CRYBG2: variants seen among roughly 807,000 people sequenced by gnomAD.
CRYBG2 encodes crystallin beta-gamma domain containing 2.
CRYBG2 carries 106 observed loss-of-function variants against 153.4 expected under a neutral mutation model. The observed-to-expected ratio is 0.69, with a 90% CI of 0.59 to 0.81. The LOEUF (loss-of-function observed/expected upper bound fraction) is 0.81, where lower values mean the gene tolerates loss of function less well. Ranked by LOEUF, CRYBG2 falls within the 30% of genes least tolerant of loss-of-function variation. The probability of loss-of-function intolerance (pLI) is 0.00; values close to 1 mark genes in which losing one functional copy is unlikely to be tolerated. For missense variants in CRYBG2, 1,996 were observed against 2,112.0 expected (o/e 0.95, Z 1.08); for synonymous variants, 851 against 877.8 (o/e 0.97, Z 0.54).
intron 1 of CRYBG2, among the ~76,000 whole-genome samples, chr1:26,353,409 G>A (rs1380983613): frequency 2.6e-5 from 4 of 151,960 alleles, no homozygotes; most frequent in South Asian, 2.1e-4. Context: ...CCACCTCTGC[G>A]CCCCCCAGGC....
rs781197697 is a variant in CRYBG2, at chr1:26,346,067, A to G, written c.591T>C (p.Thr197=). Residue 197 remains threonine (T), a synonymous_variant, in exon 2 of 20, where the codon ACT becomes ACC. Transcript: ENST00000308182. The surrounding 1 kb of genome is among the most constrained non-coding windows in gnomAD (Gnocchi z 4.9). ...HVDRRMSSSV[T]VRPVSSGEAL... ...CCTCGCCTGAGGACACTGGCCTCAC[A>G]GTCACAGAGCTGCTCATCCGCCGGT... is the stretch of plus-strand genomic sequence containing the variant. 13 of 1,587,042 alleles carry G rather than the reference A, an allele frequency of 8.2e-6. No homozygotes were observed. The highest frequency in any genetic ancestry group is 6.8e-6 in the Non-Finnish European group (8 of 1,172,852).
intron 14 of CRYBG2, among the ~76,000 whole-genome samples, chr1:26,333,014 CAAAAAAAAAAAAAAAAAA>C (rs59155910): frequency 2.4e-4 from 17 of 71,912 alleles, no homozygotes; most frequent in African/African-American, 7.5e-4. Flanking sequence ...CACCAAACCC[CAAAAAAAAAAAAAAAAAA>C]AAAAAAAAAA....
chr1:26,342,770 A>T lies in CRYBG2; in HGVS notation c.3188T>A (p.Leu1063Gln). Residue 1063 changes from leucine (L) to glutamine (Q), a missense_variant, in exon 5 of 20, where the codon CTA becomes CAA. Coordinates refer to ENST00000308182, the MANE Select transcript of CRYBG2 (RefSeq NM_001039775.4). ...TKWSPQGIGS[L>Q]RRVVWDYSTP... ...CTCACTCACCCAGACAACCCTCCTTAGGGAGCCGATGCCTTGGGGACTCCA... is the reference window on the plus strand; with the variant it reads ...CTCACTCACCCAGACAACCCTCCTTTGGGAGCCGATGCCTTGGGGACTCCA... The T allele has an allele frequency of 6.2e-7, 1 of 1,613,774 alleles. No individual in the cohort carries two copies. Among genetic ancestry groups the T allele is most frequent in the Non-Finnish European group, 8.5e-7 (1 of 1,179,980 alleles).
chr1:26,343,217 C>T lies in CRYBG2; in HGVS notation c.2961+29G>A, dbSNP rs1462870258. On this transcript the variant is annotated intron_variant, in intron 3 of 19. Coordinates refer to ENST00000308182, the MANE Select transcript of CRYBG2 (RefSeq NM_001039775.4). This position sits in a 1 kb window ranked among gnomAD's most constrained non-coding sequence, Gnocchi z 4.1. ...GACCCCAGGCCCCTGCATCCTGCTG[C>T]CCCCACCCACTTGCCCCCACAACCC... The T allele has an allele frequency of 1.3e-6, 2 of 1,550,326 alleles. No homozygotes were observed. The highest frequency in any genetic ancestry group is 1.4e-5 in the African/African-American group (1 of 73,102).
rs1447809236 is a variant in CRYBG2 at position 26,338,463 on chromosome 1, G to A, written c.3359C>T (p.Pro1120Leu). Residue 1120 changes from proline (P) to leucine (L), a missense_variant, in exon 7 of 20, where the codon CCC becomes CTC. Transcript: ENST00000308182. ...GGGAGTGTCTTCGAATAATGGTTTG[G>A]GGTACAGTAGCCACCTAGGGGAAAC... ...TVSAGLWLLY[P>L]KPLFEDTPYI... 11 of 1,609,452 alleles carry A rather than the reference G, an allele frequency of 6.8e-6. No individual in the cohort carries two copies. The highest frequency in any genetic ancestry group is 9.3e-6 in the Non-Finnish European group (11 of 1,177,968).
rs2074155072 is a variant in CRYBG2, at chr1:26,343,214, C to T, written c.2961+32G>A. ...CCTGACCCCAGGCCCCTGCATCCTG[C>T]TGCCCCCACCCACTTGCCCCCACAA... On this transcript the variant is annotated intron_variant, in intron 3 of 19. Transcript: ENST00000308182. This position sits in a 1 kb window ranked among gnomAD's most constrained non-coding sequence, Gnocchi z 4.1. 1 of 1,550,628 alleles carries T rather than the reference C, an allele frequency of 6.4e-7. No homozygotes were observed. Among genetic ancestry groups the T allele is most frequent in the East Asian group, 2.4e-5 (1 of 40,924 alleles).
At chr1:26,348,706 C>T (rs2074253527) in intron 1 of CRYBG2, among the ~76,000 whole-genome samples, 1 of 151,930 alleles carries the variant, frequency 6.6e-6, no homozygotes. Flanking sequence ...CAGGCATGTG[C>T]CACCATGCCC....
In CRYBG2 at chr1:26,336,772, C is replaced by A. The variant is rs1450142687; in HGVS notation, c.3912-40G>T. 4 of 1,568,934 alleles carry A rather than the reference C, an allele frequency of 2.5e-6. No homozygotes were observed. The highest frequency in any genetic ancestry group is 2.7e-5 in the African/African-American group (2 of 73,652). ...GGGCGCGAGTCAGCTGGGACGGAGC[C>A]TGCACCTCTCCTGGAACCGCCCCCG... is the stretch of plus-strand genomic sequence containing the variant. On this transcript the variant is annotated intron_variant, in intron 11 of 19. Coordinates refer to ENST00000308182, the MANE Select transcript of CRYBG2 (RefSeq NM_001039775.4). The surrounding 1 kb of genome is among the most constrained non-coding windows in gnomAD (Gnocchi z 4.9).
chr1:26,343,748 C>G lies in CRYBG2; in HGVS notation c.2910G>C (p.Gly970=). Residue 970 remains glycine, a synonymous_variant, in exon 2 of 20, where the codon GGG becomes GGC. Coordinates refer to ENST00000308182, the MANE Select transcript of CRYBG2 (RefSeq NM_001039775.4). The surrounding 1 kb of genome is among the most constrained non-coding windows in gnomAD (Gnocchi z 4.1). ...EKLACSLPLE[G]WSPALKTQGK... ...GCCCACCCGAGGCCTCACTTACCCA[C>G]CCCTCCAGGGGCAGGGAACAGGCAA... The G allele has an allele frequency of 6.9e-7, 1 of 1,445,874 alleles. No homozygotes were observed. The highest frequency in any genetic ancestry group is 9.1e-7 in the Non-Finnish European group (1 of 1,096,964). The allele number at this position is 1,445,874 out of a possible 1,614,324, so 89.6% of individuals were successfully genotyped here.
Position 26,344,472 on chromosome 1 carries a change from C to T in CRYBG2, c.2186G>A (p.Gly729Glu), listed in dbSNP as rs1192312655. The T allele has an allele frequency of 6.5e-6, 10 of 1,539,022 alleles. No individual in the cohort carries two copies. Among genetic ancestry groups the T allele is most frequent in the South Asian group, 3.6e-5 (3 of 82,308 alleles). The change falls in exon 2 of 20, where the codon GGA (glycine) becomes GAA (glutamate). Residue 729 changes from glycine (G) to glutamate (E), a missense_variant. Gly to Glu is a moderately conservative substitution (Grantham distance 98, BLOSUM62 -2). Transcript: ENST00000308182. ...CTGGGACTCCGTGCTGGCCTCTGCTCCTGTTGGCACTGGGGCAGGGGTGCC... is the reference window on the plus strand; with the variant it reads ...CTGGGACTCCGTGCTGGCCTCTGCTTCTGTTGGCACTGGGGCAGGGGTGCC... ...PGGTPAPVPTGAEASTESQLV... is the reference protein window; with the variant it reads ...PGGTPAPVPTEAEASTESQLV...
In CRYBG2 at chr1:26,336,579, G is replaced by A; in HGVS notation, c.4038+27C>T. ...AACTCCAGGTCCCGCCACCGGGGAGGCCCCGCCCCCCGCGGCCGGCACGCA... is the reference window on the plus strand; with the variant it reads ...AACTCCAGGTCCCGCCACCGGGGAGACCCCGCCCCCCGCGGCCGGCACGCA... On this transcript the variant is annotated intron_variant, in intron 12 of 19. Transcript: ENST00000308182. The surrounding 1 kb of genome is among the most constrained non-coding windows in gnomAD (Gnocchi z 4.9). The A allele has an allele frequency of 1.9e-6, 3 of 1,544,034 alleles. No individual in the cohort carries two copies. The highest frequency in any genetic ancestry group is 2.6e-6 in the Non-Finnish European group (3 of 1,144,036).
At chr1:26,327,199 T>C (rs1009885096) in intron 17 of CRYBG2, among the ~76,000 whole-genome samples, 1 of 152,174 alleles carries the variant, frequency 6.6e-6, no homozygotes, top group Non-Finnish European at 1.5e-5. Context: ...CTAGGCGCAG[T>C]GGCTCATGCC....
In CRYBG2 at chr1:26,337,993, C is replaced by T. The variant is rs763886338; in HGVS notation, c.3507+19G>A. On this transcript the variant is annotated intron_variant, in intron 8 of 19. Transcript: ENST00000308182. ...CCGCCACCAAAGGCCCTCTTTGGCTCTTAAGCCCAGACTCTTACCCTGGGC... is the reference window on the plus strand; with the variant it reads ...CCGCCACCAAAGGCCCTCTTTGGCTTTTAAGCCCAGACTCTTACCCTGGGC... 30 of 1,611,654 alleles carry T rather than the reference C, an allele frequency of 1.9e-5. No individual in the cohort carries two copies. Among genetic ancestry groups the T allele is most frequent in the Non-Finnish European group, 2.5e-5 (29 of 1,179,058 alleles).
intron 17 of CRYBG2, 132 bp downstream of exon 17, chr1:26,328,077 C>T (rs4659430): frequency 0.11 from 141,141 of 1,289,404 alleles, 8,920 homozygotes; most frequent in Non-Finnish European, 0.12. Context: ...AGAGGAATGA[C>T]GATGTGGCAA....
chr1:26,350,652 T>C (rs1367279298), intron 1 of CRYBG2, among the ~76,000 whole-genome samples: 1 of 152,102 alleles, frequency 6.6e-6, no homozygotes, highest in Non-Finnish European at 1.5e-5. Context: ...ACTGAGTCTC[T>C]GGTTTGGGGG....
Position 26,325,718 on chromosome 1 carries a change from T to C in CRYBG2, c.4579-1408A>G, listed in dbSNP as rs181558976. Among the ~76,000 whole-genome samples, 469 of 151,942 alleles carry C rather than the reference T, an allele frequency of 3.1e-3. 2 individuals are homozygous for C. The highest frequency in any genetic ancestry group is 0.011 in the African/African-American group (448 of 41,412). On this transcript the variant is annotated intron_variant, in intron 17 of 19. Transcript: ENST00000308182. The surrounding 1 kb of genome is among the most constrained non-coding windows in gnomAD (Gnocchi z 4.1). ...AAATACCCTCAGATGGGAACATGCA[T>C]GCACACACACATACACACAGAGCCC... is the stretch of plus-strand genomic sequence containing the variant.
rs1232673547 is a variant in CRYBG2 at position 26,344,054 on chromosome 1, G to A, written c.2604C>T (p.Val868=). The change falls in exon 2 of 20, where the codon GTC becomes GTT. Residue 868 remains valine (V), a synonymous_variant. Coordinates refer to ENST00000308182, the MANE Select transcript of CRYBG2 (RefSeq NM_001039775.4). ...TCATCATCTCCAGAGGAGAGCAGGAGACCTGGGTGGGTCTGGCAGGGTGGA... is the reference window on the plus strand; with the variant it reads ...TCATCATCTCCAGAGGAGAGCAGGAAACCTGGGTGGGTCTGGCAGGGTGGA... ...RDLHPARPTQ[V]SCSPLEMMKK... 2.6e-6 allele frequency: 4 copies of A among 1,536,200 alleles called. No homozygotes were observed. Among genetic ancestry groups the A allele is most frequent in the Non-Finnish European group, 3.5e-6 (4 of 1,146,906 alleles).
intron 14 of CRYBG2, among the ~76,000 whole-genome samples, chr1:26,332,805 C>G (rs1416602048): frequency 6.6e-6 from 1 of 151,480 alleles, no homozygotes; most frequent in Non-Finnish European, 1.5e-5. Flanking sequence ...TGCACCTGGC[C>G]AAAATTCACA....
At position 26,339,518 on chromosome 1, in the gene CRYBG2, C is replaced by T. The variant is rs144374642; in HGVS notation, c.3205-89G>A. 2,585 of 1,438,688 alleles carry T rather than the reference C, an allele frequency of 1.8e-3. 33 individuals are homozygous for T. The African/African-American group carries it at 0.03, about 17-fold the overall frequency. The allele number at this position is 1,438,688 out of a possible 1,614,324, so 89.1% of individuals were successfully genotyped here. On this transcript the variant is annotated intron_variant, in intron 5 of 19. Transcript: ENST00000308182. Reference sequence around the variant, plus strand: ...ATCCCAGCACTTTGGGAGGCCGAGGCGGGCAGATCACCTGAGGTCAGCAGT... The same window carrying T: ...ATCCCAGCACTTTGGGAGGCCGAGGTGGGCAGATCACCTGAGGTCAGCAGT...
Sources: gnomAD v4.1 joint callset for allele counts (sites outside exome capture counted in the v4.1 genomes callset) on GRCh38, gnomAD v4.1.1 for gene constraint, Gnocchi (gnomAD v3.1) non-coding constraint, MANE v1.5 for transcripts, NCBI Gene and HGNC (gene_info 2026-07-23, HGNC 2026-07-21) for gene names.